Variants in MYT1L observed in about 807,000 individuals in gnomAD.
MYT1L encodes myelin transcription factor 1 like, also known as myelin transcription factor 1-like protein.
A neutral mutation model predicts 126.7 loss-of-function variants in MYT1L; 12 were observed. That is an observed-to-expected ratio of 0.09 (90% CI 0.06 to 0.15). The LOEUF is 0.15. Among genes scored for constraint, MYT1L ranks in the 10% least tolerant of loss-of-function variants. MYT1L has a pLI of 1.00. For missense variants in MYT1L, 979 were observed against 1,585.2 expected (o/e 0.62, Z 6.49); for synonymous variants, 541 against 604.2 (o/e 0.90, Z 1.53).
chr2:2,307,346 G>T (rs1048154401), intron 1 of MYT1L, among the ~76,000 whole-genome samples: 8 of 152,044 alleles, frequency 5.3e-5, no homozygotes, highest in Non-Finnish European at 1.0e-4. Context: ...TGATAGTGGG[G>T]GTGTGTGGCG....
At chr2:1,803,621 T>TG (rs1444560100) in intron 22 of MYT1L, among the ~76,000 whole-genome samples, 3 of 152,188 alleles carry the variant, frequency 2.0e-5, no homozygotes, top group African/African-American at 7.2e-5. Flanking sequence ...GAGTGATGGA[T>TG]GGGTGGATAT....
intron 1 of MYT1L, among the ~76,000 whole-genome samples, chr2:2,312,588 G>C: frequency 6.6e-6 from 1 of 152,128 alleles, no homozygotes; most frequent in Non-Finnish European, 1.5e-5. Flanking sequence ...ACTCCAGCCT[G>C]GGTGACAGAG....
At chr2:2,320,798 A>G (rs2096150172) in intron 1 of MYT1L, among the ~76,000 whole-genome samples, 1 of 152,204 alleles carries the variant, frequency 6.6e-6, no homozygotes, top group East Asian at 1.9e-4. Flanking sequence ...TCTGTAGGAA[A>G]GGCTGGTTCA....
At chr2:1,909,456 G>A (rs2051570359) in intron 13 of MYT1L, among the ~76,000 whole-genome samples, 1 of 152,162 alleles carries the variant, frequency 6.6e-6, no homozygotes, top group Admixed American at 6.5e-5. Flanking sequence ...AAGGACGCGT[G>A]TTTCTGCTGT....
chr2:1,803,694 C>G (rs1395012787), intron 22 of MYT1L, among the ~76,000 whole-genome samples: 1 of 152,206 alleles, frequency 6.6e-6, no homozygotes, highest in Non-Finnish European at 1.5e-5. Flanking sequence ...CACCAACAGC[C>G]CTTTGTGGGA....
intron 8 of MYT1L, among the ~76,000 whole-genome samples, chr2:1,974,042 C>T (rs552898920): frequency 4.3e-4 from 65 of 152,310 alleles, no homozygotes; most frequent in African/African-American, 9.6e-4. Flanking sequence ...CAATAGCGGA[C>T]GGTACACCGG....
intron 1 of MYT1L, among the ~76,000 whole-genome samples, chr2:2,306,879 T>C (rs1270453437): frequency 6.6e-6 from 1 of 152,130 alleles, no homozygotes; most frequent in African/African-American, 2.4e-5. Context: ...ATTATATAAA[T>C]AGCTATCAAT....
intron 2 of MYT1L, among the ~76,000 whole-genome samples, chr2:2,196,429 T>C (rs1017695022): frequency 6.6e-5 from 10 of 152,086 alleles, no homozygotes; most frequent in African/African-American, 2.4e-4. Context: ...ACTGTAAGTA[T>C]GTGGGTAAAA....
At chr2:2,106,731 T>C (rs34210742) in intron 3 of MYT1L, among the ~76,000 whole-genome samples, 40,753 of 152,156 alleles carry the variant, frequency 0.27, 6,020 homozygotes, top group African/African-American at 0.38. Context: ...TCAGGACATG[T>C]CCTCTCAGTT....
intron 2 of MYT1L, among the ~76,000 whole-genome samples, chr2:2,277,243 T>A (rs941553393): frequency 3.9e-5 from 6 of 152,226 alleles, no homozygotes; most frequent in Admixed American, 3.9e-4. Flanking sequence ...GTGCTGGGAT[T>A]ACAGGCGTGA....
At chr2:1,942,476 C>A (rs2056765668) in intron 9 of MYT1L, among the ~76,000 whole-genome samples, 1 of 152,144 alleles carries the variant, frequency 6.6e-6, no homozygotes, top group African/African-American at 2.4e-5. Flanking sequence ...AATTATGTGA[C>A]CATCACTCAA....
intron 3 of MYT1L, among the ~76,000 whole-genome samples, chr2:2,151,196 C>A (rs1198931931): frequency 6.6e-6 from 1 of 151,996 alleles, no homozygotes; most frequent in Non-Finnish European, 1.5e-5. Flanking sequence ...AAACTCAGTG[C>A]CTAAAACACT....
chr2:1,979,631 G>A lies in MYT1L; in HGVS notation c.56-77C>T, dbSNP rs1390823108. 3.1e-6 allele frequency: 5 copies of A among 1,601,720 alleles called. No individual in the cohort carries two copies. The highest frequency in any genetic ancestry group is 4.3e-6 in the Non-Finnish European group (5 of 1,169,056). On this transcript the variant is annotated intron_variant, in intron 6 of 24. Transcript: ENST00000647738. This position sits in a 1 kb window ranked among gnomAD's most constrained non-coding sequence, Gnocchi z 4.0. ...TCTTCCACAGAAAATTACCAAAAGGGTGGCATGAAAGTGGGGTCAGAATCG... is the reference window on the plus strand; with the variant it reads ...TCTTCCACAGAAAATTACCAAAAGGATGGCATGAAAGTGGGGTCAGAATCG...
chr2:2,290,168 G>A (rs6706198), intron 1 of MYT1L, among the ~76,000 whole-genome samples: 151,343 of 152,276 alleles, frequency 0.99, 75,218 homozygotes, highest in Middle Eastern at 1. Context: ...TCTAGATTGA[G>A]GTCTAGAACC....
chr2:2,211,470 A>G (rs1203094676), intron 2 of MYT1L, among the ~76,000 whole-genome samples: 4 of 152,138 alleles, frequency 2.6e-5, no homozygotes, highest in African/African-American at 9.7e-5. Flanking sequence ...AGCAAATTTG[A>G]AGCACATGTC....
chr2:2,256,949 G>T (rs948901387), intron 2 of MYT1L, among the ~76,000 whole-genome samples: 2 of 152,188 alleles, frequency 1.3e-5, no homozygotes, highest in African/African-American at 4.8e-5. Flanking sequence ...ATAAACATGT[G>T]TGTAGTCATA....
At chr2:2,250,056 C>G (rs1382949454) in intron 2 of MYT1L, among the ~76,000 whole-genome samples, 1 of 152,126 alleles carries the variant, frequency 6.6e-6, no homozygotes, top group East Asian at 1.9e-4. Context: ...AAAGGGAACC[C>G]TTATATACTC....
At chr2:2,327,167 G>A (rs1411517907) in intron 1 of MYT1L, 6 of 152,078 alleles carry the variant, frequency 3.9e-5, no homozygotes, top group African/African-American at 9.7e-5. Context: ...TTTAAATATT[G>A]GGGTGGTATG....
intron 14 of MYT1L, among the ~76,000 whole-genome samples, chr2:1,892,623 G>A (rs2049058923): frequency 6.6e-6 from 1 of 151,322 alleles, no homozygotes; most frequent in Non-Finnish European, 1.5e-5. Flanking sequence ...CGGCTGGCTA[G>A]CTTTTAGGAG....
Sources: gnomAD v4.1 joint callset for allele counts (sites outside exome capture counted in the v4.1 genomes callset) on GRCh38, gnomAD v4.1.1 for gene constraint, Gnocchi (gnomAD v3.1) non-coding constraint, MANE v1.5 for transcripts, NCBI Gene and HGNC (gene_info 2026-07-23, HGNC 2026-07-21) for gene names.